Variants in SLC25A13 observed in about 807,000 individuals in gnomAD.
SLC25A13 encodes the protein solute carrier family 25 member 13.
SLC25A13 carries 70 observed loss-of-function variants against 85.5 expected under a neutral mutation model. That is an observed-to-expected ratio of 0.82 (90% confidence interval 0.68 to 1.00). The LOEUF (loss-of-function observed/expected upper bound fraction) is 1.00. SLC25A13 is among the 50% of genes least tolerant of loss of function. The pLI is 0.00. For synonymous variants in SLC25A13, 259 were observed against 288.7 expected (o/e 0.90, Z 1.04); for missense variants, 765 against 819.8 (o/e 0.93, Z 0.82).
chr7:96,124,096 G>A (rs2116393451), intron 15 of SLC25A13, among the ~76,000 whole-genome samples: 1 of 152,200 alleles, frequency 6.6e-6, no homozygotes, highest in Non-Finnish European at 1.5e-5. Context: ...AGTAACTTGG[G>A]GCATGTCTCA....
Position 96,131,734 on chromosome 7 carries a change from G to C in SLC25A13, c.1591+9C>G. 1 of 1,613,856 alleles carries C rather than the reference G, an allele frequency of 6.2e-7. No individual in the cohort carries two copies. The highest frequency in any genetic ancestry group is 8.5e-7 in the Non-Finnish European group (1 of 1,179,908). On this transcript the variant is annotated intron_variant, in intron 15 of 17. Coordinates refer to ENST00000265631, the MANE Select transcript of SLC25A13 (RefSeq NM_014251.3). ...AGGGAAGTAAGAGAACTCCATGGGG[G>C]ACACTCACCAGCTATGGCACCAGCT...
intron 4 of SLC25A13, among the ~76,000 whole-genome samples, chr7:96,214,212 G>GT (rs1262277650): frequency 6.6e-6 from 1 of 152,102 alleles, no homozygotes; most frequent in Non-Finnish European, 1.5e-5. Flanking sequence ...TTTCTCCCAA[G>GT]TTAGTAAGTT....
At chr7:96,122,918 A>G (rs1263241352) in intron 15 of SLC25A13, among the ~76,000 whole-genome samples, 2 of 152,220 alleles carry the variant, frequency 1.3e-5, no homozygotes, top group African/African-American at 4.8e-5. Context: ...CAGATGCATA[A>G]ATCTCCTTTG....
chr7:96,128,980 C>CTCTG (rs1791882307), intron 15 of SLC25A13, among the ~76,000 whole-genome samples: 10 of 150,624 alleles, frequency 6.6e-5, no homozygotes, highest in Admixed American at 3.3e-4. Flanking sequence ...CTCTCTCTCT[C>CTCTG]TCAGACTTTG....
chr7:96,307,118 G>A (rs188550696), intron 1 of SLC25A13, among the ~76,000 whole-genome samples: 2 of 145,818 alleles, frequency 1.4e-5, no homozygotes, highest in East Asian at 4.0e-4. Context: ...GGGCTTAAAA[G>A]TATAAAGGTA....
At chr7:96,187,395 C>A (rs1479411371) in intron 9 of SLC25A13, among the ~76,000 whole-genome samples, 3 of 152,184 alleles carry the variant, frequency 2.0e-5, no homozygotes. Flanking sequence ...AATAGCTTTA[C>A]ATAGAAATAT....
intron 14 of SLC25A13, among the ~76,000 whole-genome samples, chr7:96,140,061 C>T (rs1331344424): frequency 1.4e-5 from 2 of 147,620 alleles, no homozygotes; most frequent in East Asian, 4.0e-4. Context: ...CGGGTTCACG[C>T]CATTCTCCTG....
At chr7:96,195,689 C>G (rs1795033165) in intron 5 of SLC25A13, among the ~76,000 whole-genome samples, 1 of 152,176 alleles carries the variant, frequency 6.6e-6, no homozygotes, top group African/African-American at 2.4e-5. Flanking sequence ...CCACCCCTGC[C>G]AGACCTGCCA....
intron 3 of SLC25A13, among the ~76,000 whole-genome samples, chr7:96,271,523 G>A (rs1798238160): frequency 6.6e-6 from 1 of 152,190 alleles, no homozygotes; most frequent in South Asian, 2.1e-4. Flanking sequence ...GTGAGATTAT[G>A]AGAAGAGGCA....
At position 96,121,461 on chromosome 7, in the gene SLC25A13, T is replaced by C. The variant is rs1049494676; in HGVS notation, c.1842-84A>G. 3.3e-6 allele frequency: 5 copies of C among 1,523,134 alleles called. No homozygotes were observed. The African/African-American group carries it at 6.9e-5, about 21-fold the overall frequency. The allele number at this position is 1,523,134 out of a possible 1,614,324, so 94.4% of individuals were successfully genotyped here. ...AAATAACATTCAAAACCTGTTCAAA[T>C]ATTTAATGTAAAGGAGTTGATACAT... On this transcript the variant is annotated intron_variant, in intron 17 of 17. Transcript: ENST00000265631.
At chr7:96,290,664 G>C (rs1449875349) in intron 2 of SLC25A13, among the ~76,000 whole-genome samples, 1 of 150,594 alleles carries the variant, frequency 6.6e-6, no homozygotes, top group Non-Finnish European at 1.5e-5. Flanking sequence ...AACCAACAAA[G>C]ATCAAAAAAG....
intron 1 of SLC25A13, among the ~76,000 whole-genome samples, chr7:96,311,467 T>C (rs1463349924): frequency 6.6e-6 from 1 of 152,092 alleles, no homozygotes; most frequent in Non-Finnish European, 1.5e-5. Flanking sequence ...ATCAGCAAAG[T>C]CCAAATTGTG....
chr7:96,121,610 T>C (rs370751431), intron 17 of SLC25A13, 45 bp downstream of exon 17: 1 of 1,584,064 alleles, frequency 6.3e-7, no homozygotes, highest in Admixed American at 1.7e-5. Context: ...CAACAGAGCA[T>C]TAGCAGCAGC....
chr7:96,123,446 T>C (rs866161490), intron 15 of SLC25A13, among the ~76,000 whole-genome samples: 2 of 152,142 alleles, frequency 1.3e-5, no homozygotes, highest in Admixed American at 6.6e-5. Flanking sequence ...GTGAAAGACA[T>C]ACAAGCAATA....
chr7:96,179,889 T>C (rs1242053897), intron 11 of SLC25A13, among the ~76,000 whole-genome samples: 1 of 152,190 alleles, frequency 6.6e-6, no homozygotes, highest in African/African-American at 2.4e-5. Context: ...CCCCATGAAT[T>C]ATGCAAGAAT....
At chr7:96,195,571 C>A (rs983728560) in intron 5 of SLC25A13, among the ~76,000 whole-genome samples, 1 of 152,112 alleles carries the variant, frequency 6.6e-6, no homozygotes, top group Non-Finnish European at 1.5e-5. Context: ...ACTCCCTCCC[C>A]CTCCATGGAA....
At chr7:96,158,822 G>C (rs1023992460) in intron 13 of SLC25A13, among the ~76,000 whole-genome samples, 1 of 152,168 alleles carries the variant, frequency 6.6e-6, no homozygotes, top group Non-Finnish European at 1.5e-5. Context: ...GACAGTGTTT[G>C]ACATTTGAAT....
intron 11 of SLC25A13, among the ~76,000 whole-genome samples, chr7:96,181,801 A>T (rs1203865728): frequency 6.6e-6 from 1 of 152,230 alleles, no homozygotes; most frequent in Non-Finnish European, 1.5e-5. Flanking sequence ...TACCTTCTCA[A>T]ATATTGCTAG....
Position 96,226,743 on chromosome 7 carries a change from A to C in SLC25A13, c.328+8059T>G, listed in dbSNP as rs1796341643. On this transcript the variant is annotated intron_variant, in intron 4 of 17. Coordinates refer to ENST00000265631, the MANE Select transcript of SLC25A13 (RefSeq NM_014251.3). ...AGAGAAAAGACCTTAAATTTCAAAA[A>C]CAAATTTGTGTAAATGTCTCCTCAC... Among the ~76,000 whole-genome samples, 10 of 152,354 alleles carry C rather than the reference A, an allele frequency of 6.6e-5. 1 individual carries two copies. The South Asian group carries it at 2.1e-3, about 32-fold the overall frequency.
Sources: allele counts gnomAD v4.1 joint callset (sites outside exome capture counted in the v4.1 genomes callset), GRCh38; gene constraint gnomAD v4.1.1; transcripts MANE v1.5; gene names NCBI Gene and HGNC (gene_info 2026-07-23, HGNC 2026-07-21).